Variants in CDH4 observed in about 807,000 individuals in gnomAD.
The protein encoded by CDH4 is cadherin 4.
A neutral mutation model predicts 86.0 loss-of-function variants in CDH4; 33 were observed. The observed-to-expected ratio is 0.38, with a 90% CI of 0.29 to 0.51. The LOEUF (loss-of-function observed/expected upper bound fraction) is 0.51. Among genes scored for constraint, CDH4 ranks in the 20% least tolerant of loss-of-function variants. The pLI is 0.86. For missense variants in CDH4, 1,114 were observed against 1,307.4 expected (o/e 0.85, Z 2.28); for synonymous variants, 555 against 549.4 (o/e 1.01, Z -0.14).
rs530075565 is a variant in CDH4, at chr20:61,805,413, G to A, written c.576+32231G>A. On this transcript the variant is annotated intron_variant, in intron 4 of 15. Coordinates refer to ENST00000614565, the MANE Select transcript of CDH4 (RefSeq NM_001794.5). The stretch of plus-strand genomic sequence containing the variant: ...GCAGCATGGCTGGGTGTCCCACAGA[G>A]CCACACCCGAGCCCCATAACCATAA... 5.9e-5 allele frequency among the ~76,000 whole-genome samples: 9 copies of A among 152,328 alleles called. No individual in the cohort carries two copies. In the East Asian group the frequency reaches 1.5e-3, roughly 26 times the overall value.
chr20:61,347,172 G>T (rs892159973), intron 2 of CDH4, among the ~76,000 whole-genome samples: 2 of 152,230 alleles, frequency 1.3e-5, no homozygotes, highest in African/African-American at 4.8e-5. Context: ...CTCTGTGGGA[G>T]ACCAAAGTCA....
At chr20:61,868,875 C>T (rs1026662632) in intron 6 of CDH4, among the ~76,000 whole-genome samples, 18 of 152,240 alleles carry the variant, frequency 1.2e-4, no homozygotes, top group African/African-American at 4.1e-4. Context: ...CCATCCCAGC[C>T]GGGCACACCT....
At chr20:61,891,441 C>T (rs1984814266) in intron 7 of CDH4, among the ~76,000 whole-genome samples, 1 of 152,238 alleles carries the variant, frequency 6.6e-6, no homozygotes, top group Non-Finnish European at 1.5e-5. Context: ...CTCTCCCCGG[C>T]CCTGCAGGAG....
In CDH4 at chr20:61,376,096, C is replaced by CTGGTGGTGATGGTGGAGTGG. The variant is rs2084871051; in HGVS notation, c.169+121171_169+121190dup. On this transcript the variant is annotated intron_variant, in intron 2 of 15. Coordinates refer to ENST00000614565, the MANE Select transcript of CDH4 (RefSeq NM_001794.5). ...TGATGGTAGTGTGATGGTCTTGGTGCTGGTGGTGATGGTGGAGTGGTGGTG... is the reference window on the plus strand; with the variant it reads ...TGATGGTAGTGTGATGGTCTTGGTGCTGGTGGTGATGGTGGAGTGGTGGTGGTGATGGTGGAGTGGTGGTG... Among the ~76,000 whole-genome samples, 7 of 138,968 alleles carry CTGGTGGTGATGGTGGAGTGG rather than the reference C, an allele frequency of 5.0e-5. No homozygotes were observed. The Admixed American group carries it at 5.1e-4, about 10-fold the overall frequency. 91.2% of individuals were successfully genotyped at this position (138,968 alleles called of 152,430 possible).
chr20:61,517,215 T>A lies in CDH4; in HGVS notation c.170-226348T>A. 6.6e-6 allele frequency among the ~76,000 whole-genome samples: 1 copy of A among 152,194 alleles called. No homozygotes were observed. ...TGGAATCCCTTTTTGTTTTTAGAAATGAGATCTCACTCTGTTGCCCAGGCT... is the reference window on the plus strand; with the variant it reads ...TGGAATCCCTTTTTGTTTTTAGAAAAGAGATCTCACTCTGTTGCCCAGGCT... On this transcript the variant is annotated intron_variant, in intron 2 of 15. Coordinates refer to ENST00000614565, the MANE Select transcript of CDH4 (RefSeq NM_001794.5). The surrounding 1 kb of genome is among the most constrained non-coding windows in gnomAD (Gnocchi z 6.6).
chr20:61,534,648 C>CTTTCTTTTTTTTTTTTTTTTT (rs1568881693), intron 2 of CDH4, among the ~76,000 whole-genome samples: 1 of 108,384 alleles, frequency 9.2e-6, no homozygotes, highest in African/African-American at 5.3e-5. Flanking sequence ...TTCTTTCTTT[C>CTTTCTTTTTTTTTTTTTTTTT]TTTTCTTTCT....
intron 2 of CDH4, among the ~76,000 whole-genome samples, chr20:61,354,703 A>G (rs2123308204): frequency 6.6e-6 from 1 of 152,322 alleles, no homozygotes; most frequent in East Asian, 1.9e-4. Flanking sequence ...CCTGCCCACC[A>G]CATTGCTCGG....
At chr20:61,465,812 C>T (rs534206993) in intron 2 of CDH4, among the ~76,000 whole-genome samples, 1 of 151,124 alleles carries the variant, frequency 6.6e-6, no homozygotes, top group South Asian at 2.1e-4. Context: ...CCAGAAGAAT[C>T]GATTCCTGAA....
chr20:61,902,715 T>C lies in CDH4; in HGVS notation c.1188+7668T>C, dbSNP rs775885988. 2.0e-5 allele frequency among the ~76,000 whole-genome samples: 3 copies of C among 152,204 alleles called. No homozygotes were observed. Among genetic ancestry groups the C allele is most frequent in the African/African-American group, 4.8e-5 (2 of 41,460 alleles). ...CAAAAAGATTCAGGCCACAGGCTTG[T>C]TGTCGAGCCCTGACTTCACCTATAG... On this transcript the variant is annotated intron_variant, in intron 8 of 15. Coordinates refer to ENST00000614565, the MANE Select transcript of CDH4 (RefSeq NM_001794.5). The surrounding 1 kb of genome is among the most constrained non-coding windows in gnomAD (Gnocchi z 4.6).
chr20:61,327,469 C>T lies in CDH4; in HGVS notation c.169+72532C>T, dbSNP rs180995820. ...GATTGAGAAACAGTTTTAAAAGATA[C>T]TCACATTTACTACATGCAGAATAAA... is the stretch of plus-strand genomic sequence containing the variant. On this transcript the variant is annotated intron_variant, in intron 2 of 15. Coordinates refer to ENST00000614565, the MANE Select transcript of CDH4 (RefSeq NM_001794.5). Among the ~76,000 whole-genome samples the T allele has an allele frequency of 1.4e-3, 209 of 152,334 alleles. 3 individuals carry two copies. The highest frequency in any genetic ancestry group is 0.012 in the Admixed American group (184 of 15,292).
intron 2 of CDH4, among the ~76,000 whole-genome samples, chr20:61,434,396 T>C (rs956750963): frequency 2.6e-5 from 4 of 152,216 alleles, no homozygotes; most frequent in African/African-American, 7.2e-5. Context: ...TAAAGACGTC[T>C]CAAGGGATGA....
intron 4 of CDH4, among the ~76,000 whole-genome samples, chr20:61,816,743 A>G (rs1197929846): frequency 6.6e-6 from 1 of 152,010 alleles, no homozygotes; most frequent in Admixed American, 6.6e-5. Context: ...ACAGGCCTCA[A>G]TTCATCACCT....
chr20:61,844,786 C>A lies in CDH4; in HGVS notation c.695C>A (p.Thr232Lys), dbSNP rs780098008. 5.0e-6 allele frequency: 8 copies of A among 1,613,898 alleles called. No homozygotes were observed. Among genetic ancestry groups the A allele is most frequent in the Non-Finnish European group, 6.8e-6 (8 of 1,179,896 alleles). Residue 232 changes from threonine (T) to lysine (K), a missense_variant, in exon 5 of 16, where the codon ACA becomes AAA. Coordinates refer to ENST00000614565, the MANE Select transcript of CDH4 (RefSeq NM_001794.5). Reference sequence around the variant, plus strand: ...TCCATGTCCGGCCGGATGTACGTCACAAGGCCCATGGACCGGGAGGAGCAC... The same window carrying A: ...TCCATGTCCGGCCGGATGTACGTCAAAAGGCCCATGGACCGGGAGGAGCAC... ...IDSMSGRMYV[T>K]RPMDREEHAS... is the part of the protein sequence containing the mutation.
intron 2 of CDH4, among the ~76,000 whole-genome samples, chr20:61,670,632 G>A (rs977944660): frequency 3.3e-5 from 5 of 152,340 alleles, no homozygotes; most frequent in Middle Eastern, 3.4e-3. Flanking sequence ...CAAAGCACTT[G>A]TTTTTGTATG....
chr20:61,889,076 C>T (rs1289766260), intron 7 of CDH4, among the ~76,000 whole-genome samples: 4 of 152,206 alleles, frequency 2.6e-5, no homozygotes, highest in Non-Finnish European at 4.4e-5. Context: ...CACCTCATAC[C>T]TCCTGCCCCA....
chr20:61,856,662 G>T (rs1190404336), intron 6 of CDH4, among the ~76,000 whole-genome samples: 1 of 151,566 alleles, frequency 6.6e-6, no homozygotes, highest in Admixed American at 6.6e-5. Context: ...CGAGGGTCCT[G>T]TGTGCACCCC....
chr20:61,553,240 C>T (rs767686539), intron 2 of CDH4, among the ~76,000 whole-genome samples: 7 of 152,146 alleles, frequency 4.6e-5, no homozygotes, highest in African/African-American at 7.2e-5. Flanking sequence ...GGCAAATCTG[C>T]AGAAACAGAA....
intron 2 of CDH4, among the ~76,000 whole-genome samples, chr20:61,721,504 C>T (rs2088041523): frequency 6.6e-6 from 1 of 152,220 alleles, no homozygotes; most frequent in Admixed American, 6.5e-5. Flanking sequence ...ATAATTTACA[C>T]CCAAGGGTAA....
At chr20:61,706,765 C>G (rs2087835387) in intron 2 of CDH4, among the ~76,000 whole-genome samples, 1 of 152,208 alleles carries the variant, frequency 6.6e-6, no homozygotes, top group African/African-American at 2.4e-5. Context: ...GGGAATCTCA[C>G]CGGAACTGGC....
Sources: allele counts gnomAD v4.1 joint callset (sites outside exome capture counted in the v4.1 genomes callset), GRCh38; gene constraint gnomAD v4.1.1; non-coding constraint Gnocchi (gnomAD v3.1); transcripts MANE v1.5; gene names NCBI Gene and HGNC (gene_info 2026-07-23, HGNC 2026-07-21).